PCDHGC4: variants seen among roughly 807,000 people sequenced by gnomAD.
PCDHGC4 encodes protocadherin gamma-C4.
A neutral mutation model predicts 59.7 loss-of-function variants in PCDHGC4; 15 were observed. That is an observed-to-expected ratio of 0.25 (90% CI 0.17 to 0.39). The LOEUF is 0.39. Ranked by LOEUF, PCDHGC4 falls within the 10% of genes least tolerant of loss-of-function variation. The probability of loss-of-function intolerance (pLI) is 1.00; values close to 1 mark genes in which losing one functional copy is unlikely to be tolerated. For synonymous variants in PCDHGC4, 434 were observed against 481.4 expected, an observed-to-expected ratio of 0.90 and a Z score of 1.29; for missense variants, 1,016 against 1,189.5, an observed-to-expected ratio of 0.85 and a Z score of 2.15.
At chr5:141,504,517 T>C (rs1057166865) in intron 2 of PCDHGC4, among the ~76,000 whole-genome samples, 5 of 151,918 alleles carry the variant, frequency 3.3e-5, no homozygotes, top group African/African-American at 1.2e-4. Context: ...TCTCCTCTGA[T>C]ATATTTTATT....
intron 2 of PCDHGC4, among the ~76,000 whole-genome samples, chr5:141,496,116 C>G (rs1435887981): frequency 6.6e-6 from 1 of 152,178 alleles, no homozygotes; most frequent in Middle Eastern, 3.4e-3. Flanking sequence ...TCTCTTCCTT[C>G]CCTGCCCCTC....
At chr5:141,508,295 G>C (rs989632251) in intron 3 of PCDHGC4, 5 of 152,202 alleles carry the variant, frequency 3.3e-5, no homozygotes, top group Non-Finnish European at 7.3e-5. Context: ...TGGGCCTTGG[G>C]GGGAGTGGGG....
Position 141,489,343 on chromosome 5 carries a change from G to A in PCDHGC4, c.2442+1728G>A, listed in dbSNP as rs377697321. On this transcript the variant is annotated intron_variant, in intron 1 of 3. Coordinates refer to ENST00000306593, the MANE Select transcript of PCDHGC4 (RefSeq NM_018928.3). This position sits in a 1 kb window ranked among gnomAD's most constrained non-coding sequence, Gnocchi z 4.5. ...GGTGTCTGGGCAGCTTCGTTACTCA[G>A]TGGTGGAGGAGTCTGAGCCGGGGAC... The A allele has an allele frequency of 5.6e-6, 9 of 1,611,264 alleles. No individual in the cohort carries two copies. Among genetic ancestry groups the A allele is most frequent in the Non-Finnish European group, 7.6e-6 (9 of 1,178,202 alleles).
In PCDHGC4 at chr5:141,490,091, A is replaced by T; in HGVS notation, c.2442+2476A>T. 6.2e-7 allele frequency: 1 copy of T among 1,614,240 alleles called. No homozygotes were observed. Among genetic ancestry groups the T allele is most frequent in the East Asian group, 2.2e-5 (1 of 44,888 alleles). ...CAACTAGACTATTCTTTTGGAGACC[A>T]CACATCTGAGGCAGTGCGGAACCTC... On this transcript the variant is annotated intron_variant, in intron 1 of 3. Coordinates refer to ENST00000306593, the MANE Select transcript of PCDHGC4 (RefSeq NM_018928.3). The surrounding 1 kb of genome is among the most constrained non-coding windows in gnomAD (Gnocchi z 5.4).
rs1340366910 is a variant in PCDHGC4 at position 141,490,965 on chromosome 5, C to T, written c.2442+3350C>T. The T allele has an allele frequency of 2.5e-6, 4 of 1,613,738 alleles. No homozygotes were observed. The highest frequency in any genetic ancestry group is 2.7e-5 in the African/African-American group (2 of 74,934). On this transcript the variant is annotated intron_variant, in intron 1 of 3. Transcript: ENST00000306593. This position sits in a 1 kb window ranked among gnomAD's most constrained non-coding sequence, Gnocchi z 5.4. Reference sequence around the variant, plus strand: ...CACGGCCAGACTGGGAACACTCAGCCCCCCAGCGTCTCCCTCGCTCTGCTC... The same window carrying T: ...CACGGCCAGACTGGGAACACTCAGCTCCCCAGCGTCTCCCTCGCTCTGCTC...
intron 2 of PCDHGC4, among the ~76,000 whole-genome samples, chr5:141,501,942 C>T (rs1012840550): frequency 2.6e-5 from 4 of 152,136 alleles, no homozygotes; most frequent in Non-Finnish European, 4.4e-5. Context: ...CACCACTGCT[C>T]CCTGTGACAG....
At position 141,491,919 on chromosome 5, in the gene PCDHGC4, C is replaced by A. The variant is rs1177043977; in HGVS notation, c.2443-2888C>A. 1.5e-6 allele frequency: 2 copies of A among 1,361,778 alleles called. No homozygotes were observed. Among genetic ancestry groups the A allele is most frequent in the South Asian group, 1.6e-5 (1 of 64,218 alleles). 84.4% of individuals were successfully genotyped at this position (1,361,778 alleles called of 1,614,324 possible). A position where few individuals can be genotyped will look rare whatever the true frequency, so the allele number is the denominator to read the frequency against. On this transcript the variant is annotated intron_variant, in intron 1 of 3. Coordinates refer to ENST00000306593, the MANE Select transcript of PCDHGC4 (RefSeq NM_018928.3). The surrounding 1 kb of genome is among the most constrained non-coding windows in gnomAD (Gnocchi z 6.9). ...CACCGGGGGTGGTGGCGACTGTGGGCGAGGGGAGGTGGGACCGACCCCCAC... is the reference window on the plus strand; with the variant it reads ...CACCGGGGGTGGTGGCGACTGTGGGAGAGGGGAGGTGGGACCGACCCCCAC...
Position 141,489,267 on chromosome 5 carries a change from C to T in PCDHGC4, c.2442+1652C>T, listed in dbSNP as rs370726160. 27 of 1,553,302 alleles carry T rather than the reference C, an allele frequency of 1.7e-5. No individual in the cohort carries two copies. Among genetic ancestry groups the T allele is most frequent in the African/African-American group, 8.2e-5 (6 of 73,324 alleles). ...TGGGGCCCAAGACACTCCCACAGCT[C>T]GCTGGGAAATGGCAAGTGCTGTGCA... On this transcript the variant is annotated intron_variant, in intron 1 of 3. Transcript: ENST00000306593. This position sits in a 1 kb window ranked among gnomAD's most constrained non-coding sequence, Gnocchi z 4.5.
chr5:141,494,701 C>G, intron 1 of PCDHGC4, 106 bp from the exon 2 acceptor site: 1 of 1,594,596 alleles, frequency 6.3e-7, no homozygotes, highest in Non-Finnish European at 8.6e-7. Context: ...CCGTTTTCTT[C>G]TCTGTGCCCA....
chr5:141,487,429 C>A lies in PCDHGC4; in HGVS notation c.2256C>A (p.Ile752=). 1 of 1,614,162 alleles carries A rather than the reference C, an allele frequency of 6.2e-7. No individual in the cohort carries two copies. Among genetic ancestry groups the A allele is most frequent in the Non-Finnish European group, 8.5e-7 (1 of 1,180,018 alleles). The change falls in exon 1 of 4, where the codon ATC becomes ATA. Residue 752 remains isoleucine, a synonymous_variant. Transcript: ENST00000306593. The surrounding 1 kb of genome is among the most constrained non-coding windows in gnomAD (Gnocchi z 5.0). ...GLPPSNGILR[I]QLGSDDPIKF... ...CCCCTTCCAATGGGATCCTCCGAAT[C>A]CAGCTAGGGTCAGATGACCCTATCA...
At position 141,491,794 on chromosome 5, in the gene PCDHGC4, TC is replaced by T; in HGVS notation, c.2443-3011del. On this transcript the variant is annotated intron_variant, in intron 1 of 3. Transcript: ENST00000306593. This position sits in a 1 kb window ranked among gnomAD's most constrained non-coding sequence, Gnocchi z 6.9. ...GGGATTGAACTTGCATCCACTCCTC[TC>T]CGGCCGGCTTGGTCGCTGGCTGCGC... is the stretch of plus-strand genomic sequence containing the variant. The T allele has an allele frequency of 6.6e-7, 1 of 1,511,056 alleles. No individual in the cohort carries two copies. The highest frequency in any genetic ancestry group is 8.8e-7 in the Non-Finnish European group (1 of 1,130,146). The allele number at this position is 1,511,056 out of a possible 1,614,324, so 93.6% of individuals were successfully genotyped here.
rs149649459 is a variant in PCDHGC4, at chr5:141,505,183, G to A, written c.2502-210G>A. ...TCTAAAACAAAAAGAAAAAAGCATC[G>A]GAGGCAGCAAAGAGCTGGTTTGAGG... On this transcript the variant is annotated intron_variant, in intron 2 of 3. Transcript: ENST00000306593. Among the ~76,000 whole-genome samples, 214 of 152,244 alleles carry A rather than the reference G, an allele frequency of 1.4e-3. 1 individual carries two copies. Among genetic ancestry groups the A allele is most frequent in the African/African-American group, 4.8e-3 (200 of 41,530 alleles).
chr5:141,490,990 C>A lies in PCDHGC4; in HGVS notation c.2442+3375C>A, dbSNP rs1230384508. On this transcript the variant is annotated intron_variant, in intron 1 of 3. Transcript: ENST00000306593. The surrounding 1 kb of genome is among the most constrained non-coding windows in gnomAD (Gnocchi z 5.4). ...CCCCCAGCGTCTCCCTCGCTCTGCTCCTCCTGGCTCCTTGGTCACCAAGGT... is the reference window on the plus strand; with the variant it reads ...CCCCCAGCGTCTCCCTCGCTCTGCTACTCCTGGCTCCTTGGTCACCAAGGT... The A allele has an allele frequency of 6.2e-7, 1 of 1,614,102 alleles. No homozygotes were observed. The highest frequency in any genetic ancestry group is 8.5e-7 in the Non-Finnish European group (1 of 1,180,022).
rs1188941232 is a variant in PCDHGC4, at chr5:141,512,270, G to A, written c.*1097G>A. ...TCTGTGGGTGCTGGGTACTCCAGAG[G>A]TGCCACTGGTGGAAGGGTCAGCGGA... On this transcript the variant is annotated 3_prime_UTR_variant, in exon 4 of 4. Coordinates refer to ENST00000306593, the MANE Select transcript of PCDHGC4 (RefSeq NM_018928.3). The A allele has an allele frequency of 1.3e-5, 2 of 152,714 alleles. No individual in the cohort carries two copies. The highest frequency in any genetic ancestry group is 2.9e-5 in the Non-Finnish European group (2 of 68,100). The allele number at this position is 152,714 out of a possible 1,614,324, so 9.5% of individuals were successfully genotyped here.
intron 2 of PCDHGC4, among the ~76,000 whole-genome samples, chr5:141,500,125 T>C (rs1367341826): frequency 2.0e-5 from 3 of 151,970 alleles, no homozygotes; most frequent in African/African-American, 4.8e-5. Flanking sequence ...CCTTTTCATA[T>C]ATATCTTTCT....
intron 2 of PCDHGC4, 164 bp downstream of exon 2, chr5:141,495,029 G>A: frequency 2.1e-6 from 2 of 968,864 alleles, no homozygotes; most frequent in Non-Finnish European, 2.5e-6. Flanking sequence ...ACAGACCCCG[G>A]AAGGAAGAGG....
Position 141,487,673 on chromosome 5 carries a change from C to T in PCDHGC4, c.2442+58C>T. On this transcript the variant is annotated intron_variant, in intron 1 of 3. Transcript: ENST00000306593. The surrounding 1 kb of genome is among the most constrained non-coding windows in gnomAD (Gnocchi z 5.0). Reference sequence around the variant, plus strand: ...GGGTTATTCTGATCCAGGCATATGGCTAGGCCATGTCCTAGAGAGTACTGG... The same window carrying T: ...GGGTTATTCTGATCCAGGCATATGGTTAGGCCATGTCCTAGAGAGTACTGG... 6.2e-7 allele frequency: 1 copy of T among 1,611,456 alleles called. No homozygotes were observed. Among genetic ancestry groups the T allele is most frequent in the East Asian group, 2.2e-5 (1 of 44,852 alleles).
At position 141,491,265 on chromosome 5, in the gene PCDHGC4, C is replaced by G. The variant is rs868682993; in HGVS notation, c.2443-3542C>G. ...AGGATGAGGACCCTGAGGAAATGCCCAAATCCAGTGACTTCCTCATACACC... is the reference window on the plus strand; with the variant it reads ...AGGATGAGGACCCTGAGGAAATGCCGAAATCCAGTGACTTCCTCATACACC... On this transcript the variant is annotated intron_variant, in intron 1 of 3. Transcript: ENST00000306593. The surrounding 1 kb of genome is among the most constrained non-coding windows in gnomAD (Gnocchi z 6.9). The G allele has an allele frequency of 6.2e-7, 1 of 1,614,074 alleles. No individual in the cohort carries two copies. The highest frequency in any genetic ancestry group is 8.5e-7 in the Non-Finnish European group (1 of 1,179,916).
At position 141,491,121 on chromosome 5, in the gene PCDHGC4, G is replaced by T. The variant is rs1176877834; in HGVS notation, c.2442+3506G>T. On this transcript the variant is annotated intron_variant, in intron 1 of 3. Transcript: ENST00000306593. The surrounding 1 kb of genome is among the most constrained non-coding windows in gnomAD (Gnocchi z 6.9). ...TCCTCGTGTCTACACACACTGGTGA[G>T]GTGCGCACAGCCCGGGCCTTACTGG... 5 of 1,614,200 alleles carry T rather than the reference G, an allele frequency of 3.1e-6. No individual in the cohort carries two copies. In the South Asian group the frequency reaches 5.5e-5, roughly 18 times the overall value.
Sources: gnomAD v4.1 joint callset for allele counts (sites outside exome capture counted in the v4.1 genomes callset) on GRCh38, gnomAD v4.1.1 for gene constraint, Gnocchi (gnomAD v3.1) non-coding constraint, MANE v1.5 for transcripts, NCBI Gene and HGNC (gene_info 2026-07-23, HGNC 2026-07-21) for gene names.